DCC: variants seen among roughly 807,000 people sequenced by gnomAD.
DCC encodes the protein netrin receptor DCC.
In DCC, 58 loss-of-function variants were observed where a neutral mutation model predicts 172.5. The ratio of observed to expected loss-of-function variants is 0.34; its 90% CI spans 0.27 to 0.42. DCC has a LOEUF of 0.42. Ranked by LOEUF, DCC falls within the 10% of genes least tolerant of loss-of-function variation. DCC has a pLI of 1.00. For synonymous variants in DCC, 709 were observed against 644.5 expected (o/e 1.10, Z -1.52); for missense variants, 1,740 against 1,791.0 (o/e 0.97, Z 0.51).
chr18:52,801,241 T>C (rs761331099), intron 2 of DCC, among the ~76,000 whole-genome samples: 2 of 152,188 alleles, frequency 1.3e-5, no homozygotes, highest in Non-Finnish European at 2.9e-5. Context: ...TTTTTAGAAT[T>C]TGCCACAGCT....
chr18:52,819,520 C>T (rs2145268351), intron 2 of DCC, among the ~76,000 whole-genome samples: 1 of 152,184 alleles, frequency 6.6e-6, no homozygotes, highest in South Asian at 2.1e-4. Context: ...TGTGGTCTTA[C>T]ACTTAAAGCT....
intron 9 of DCC, among the ~76,000 whole-genome samples, chr18:53,180,385 T>C (rs941119788): frequency 1.1e-4 from 17 of 152,206 alleles, no homozygotes; most frequent in African/African-American, 4.1e-4. Flanking sequence ...CAGACAATTA[T>C]TTGGAAATGC....
chr18:53,240,026 TAAAAAAAA>T (rs68158437), intron 12 of DCC, among the ~76,000 whole-genome samples: 13 of 69,044 alleles, frequency 1.9e-4, no homozygotes, highest in African/African-American at 4.7e-4. Flanking sequence ...GTTCTAGAGT[TAAAAAAAA>T]AAAAAAAAAA....
chr18:53,496,219 C>T (rs898601643), intron 26 of DCC, among the ~76,000 whole-genome samples: 2 of 152,110 alleles, frequency 1.3e-5, no homozygotes, highest in Non-Finnish European at 1.5e-5. Flanking sequence ...CTCTGGCTGG[C>T]GGGTGCCTCT....
intron 7 of DCC, among the ~76,000 whole-genome samples, chr18:53,085,553 G>A (rs568338698): frequency 1.3e-5 from 2 of 152,004 alleles, no homozygotes; most frequent in Non-Finnish European, 2.9e-5. Flanking sequence ...ATCCTACAGG[G>A]TATTATTATA....
chr18:53,117,502 T>A (rs1598818981), intron 7 of DCC, among the ~76,000 whole-genome samples: 1 of 151,810 alleles, frequency 6.6e-6, no homozygotes, highest in Non-Finnish European at 1.5e-5. Context: ...TGTTTGGGGC[T>A]CTTTAGTTGT....
At chr18:52,777,767 A>AGG (rs201370704) in intron 2 of DCC, among the ~76,000 whole-genome samples, 6,163 of 151,738 alleles carry the variant, frequency 0.041, 210 homozygotes, top group South Asian at 0.16. Context: ...GCAGATCTCC[A>AGG]GGGAAAAAAA....
At chr18:53,160,203 T>C (rs576606804) in intron 8 of DCC, among the ~76,000 whole-genome samples, 1 of 152,300 alleles carries the variant, frequency 6.6e-6, no homozygotes, top group South Asian at 2.1e-4. Flanking sequence ...CCTTGGCTAC[T>C]TGCTGCCATG....
intron 7 of DCC, among the ~76,000 whole-genome samples, chr18:53,110,639 C>G (rs189289182): frequency 1.5e-3 from 228 of 150,338 alleles, no homozygotes; most frequent in African/African-American, 5.4e-3. Context: ...CCAAAAAACA[C>G]ATGAAAAAAT....
intron 1 of DCC, among the ~76,000 whole-genome samples, chr18:52,600,784 G>C (rs1047566962): frequency 6.6e-6 from 1 of 151,948 alleles, no homozygotes; most frequent in African/African-American, 2.4e-5. Flanking sequence ...TTGACATTTA[G>C]AAAATTACAA....
chr18:53,506,985 T>C (rs1276156345), intron 27 of DCC, among the ~76,000 whole-genome samples: 1 of 152,188 alleles, frequency 6.6e-6, no homozygotes, highest in Non-Finnish European at 1.5e-5. Context: ...TTTTCTCATC[T>C]GTGAAATCAG....
chr18:53,431,774 G>A (rs1205850621), intron 21 of DCC, among the ~76,000 whole-genome samples: 3 of 151,964 alleles, frequency 2.0e-5, no homozygotes, highest in African/African-American at 4.8e-5. Flanking sequence ...ATGAGCTACC[G>A]CACCTGGCCT....
chr18:52,464,892 C>T (rs1030713632), intron 1 of DCC, among the ~76,000 whole-genome samples: 4 of 152,108 alleles, frequency 2.6e-5, no homozygotes, highest in African/African-American at 7.2e-5. Context: ...TAGAAGGAGA[C>T]TAATATCTTT....
At chr18:53,030,900 G>C (rs1412229141) in intron 5 of DCC, among the ~76,000 whole-genome samples, 1 of 152,120 alleles carries the variant, frequency 6.6e-6, no homozygotes, top group Non-Finnish European at 1.5e-5. Context: ...ACCTTCTTGA[G>C]CAGTGTTGTC....
chr18:53,507,613 T>C (rs2046197142), intron 27 of DCC, among the ~76,000 whole-genome samples: 2 of 152,188 alleles, frequency 1.3e-5, no homozygotes, highest in African/African-American at 4.8e-5. Flanking sequence ...AATGCCTTTA[T>C]CTTCTGTGGT....
At chr18:53,127,277 G>A (rs957128887) in intron 7 of DCC, among the ~76,000 whole-genome samples, 1 of 151,616 alleles carries the variant, frequency 6.6e-6, no homozygotes, top group African/African-American at 2.4e-5. Flanking sequence ...AAAGTGCTGG[G>A]GTTACAGGCA....
chr18:52,479,586 C>CCG (rs1555687269), intron 1 of DCC, among the ~76,000 whole-genome samples: 15 of 149,650 alleles, frequency 1.0e-4, no homozygotes, highest in African/African-American at 3.5e-4. Context: ...CTCCACCCCC[C>CCG]CCCCGTCTCC....
intron 1 of DCC, among the ~76,000 whole-genome samples, chr18:52,491,417 T>G (rs2030495482): frequency 6.6e-6 from 1 of 152,098 alleles, no homozygotes; most frequent in African/African-American, 2.4e-5. Context: ...GGACATAATA[T>G]GTGAGCTAGG....
intron 28 of DCC, among the ~76,000 whole-genome samples, chr18:53,529,551 G>T (rs1337081668): frequency 6.6e-6 from 1 of 152,172 alleles, no homozygotes; most frequent in Admixed American, 6.6e-5. Context: ...GCCCTGACTT[G>T]TTGAATCCTC....
Sources: allele counts gnomAD v4.1 joint callset (sites outside exome capture counted in the v4.1 genomes callset), GRCh38; gene constraint gnomAD v4.1.1; transcripts MANE v1.5; gene names NCBI Gene and HGNC (gene_info 2026-07-23, HGNC 2026-07-21).